The following FHIT variants were observed in gnomAD, a reference collection of about 807,000 sequenced individuals.
FHIT encodes the protein fragile histidine triad diadenosine triphosphatase, also known as bis(5'-adenosyl)-triphosphatase.
FHIT carries 19 observed loss-of-function variants against 17.9 expected under a neutral mutation model. The observed-to-expected ratio is 1.06, with a 90% CI of 0.74 to 1.56. The LOEUF (loss-of-function observed/expected upper bound fraction) is 1.56. Ranked by LOEUF, FHIT falls within the 40% of genes most tolerant of loss-of-function variation. The pLI is 0.00. For missense variants in FHIT, 248 were observed against 189.2 expected (o/e 1.31, Z -1.82); for synonymous variants, 81 against 69.7 (o/e 1.16, Z -0.81).
intron 3 of FHIT, among the ~76,000 whole-genome samples, chr3:60,950,767 C>T (rs1239026702): frequency 6.6e-6 from 1 of 152,062 alleles, no homozygotes; most frequent in African/African-American, 2.4e-5. Context: ...AAGTGATCCA[C>T]CCGCCTCGGC....
intron 1 of FHIT, among the ~76,000 whole-genome samples, chr3:61,201,168 T>G (rs1185278663): frequency 6.6e-6 from 1 of 152,238 alleles, no homozygotes; most frequent in Non-Finnish European, 1.5e-5. Flanking sequence ...TGTGCATGAT[T>G]ACAGGGACAA....
intron 5 of FHIT, among the ~76,000 whole-genome samples, chr3:60,468,550 C>T (rs2032920697): frequency 6.6e-6 from 1 of 151,974 alleles, no homozygotes; most frequent in Non-Finnish European, 1.5e-5. Flanking sequence ...ACACTGATTG[C>T]ATAAACAATT....
chr3:60,543,932 G>GTTTTTTTTTC (rs1553645902), intron 4 of FHIT, among the ~76,000 whole-genome samples: 1 of 52,376 alleles, frequency 1.9e-5, no homozygotes, highest in Non-Finnish European at 3.7e-5. Context: ...TTTTTTTTTT[G>GTTTTTTTTTC]TATTTTTAGT....
chr3:59,852,103 T>C (rs1344677545), intron 8 of FHIT, among the ~76,000 whole-genome samples: 1 of 152,188 alleles, frequency 6.6e-6, no homozygotes, highest in East Asian at 1.9e-4. Context: ...CAAGGTATGG[T>C]GGAGTTCTGT....
At position 60,359,277 on chromosome 3, in the gene FHIT, C is replaced by CTTT. The variant is rs71089599; in HGVS notation, c.103+177580_103+177582dup. Among the ~76,000 whole-genome samples the CTTT allele has an allele frequency of 5.7e-3, 627 of 109,908 alleles. 12 individuals are homozygous for CTTT. The highest frequency in any genetic ancestry group is 0.011 in the Middle Eastern group (2 of 188). The allele number at this position is 109,908 out of a possible 152,430, so 72.1% of individuals were successfully genotyped here. ...TATTATTACTTGAATATGAAAATAT[C>CTTT]TTTTTTTTTTTTTTTTTTTTTTGAG... On this transcript the variant is annotated intron_variant, in intron 5 of 9. Transcript: ENST00000492590.
At chr3:61,216,531 T>G (rs2039681095) in intron 1 of FHIT, among the ~76,000 whole-genome samples, 1 of 152,182 alleles carries the variant, frequency 6.6e-6, no homozygotes, top group African/African-American at 2.4e-5. Context: ...TAGGAACACT[T>G]TTACACTGTT....
chr3:59,958,773 C>G (rs925755112), intron 7 of FHIT, among the ~76,000 whole-genome samples: 14 of 152,208 alleles, frequency 9.2e-5, no homozygotes, highest in African/African-American at 3.4e-4. Flanking sequence ...TTCTATGACT[C>G]TCTCCTTTTT....
At chr3:60,274,153 T>C (rs1439361107) in intron 5 of FHIT, among the ~76,000 whole-genome samples, 4 of 152,150 alleles carry the variant, frequency 2.6e-5, no homozygotes, top group Non-Finnish European at 5.9e-5. Context: ...GTTCATCTTA[T>C]ACAGGGTTAC....
At chr3:60,349,404 A>C (rs1256087791) in intron 5 of FHIT, among the ~76,000 whole-genome samples, 2 of 152,176 alleles carry the variant, frequency 1.3e-5, no homozygotes, top group Non-Finnish European at 2.9e-5. Context: ...TTATGTCTTA[A>C]TGCTTACCAC....
At chr3:60,710,023 T>C (rs1483618477) in intron 4 of FHIT, among the ~76,000 whole-genome samples, 1 of 144,312 alleles carries the variant, frequency 6.9e-6, no homozygotes, top group Non-Finnish European at 1.5e-5. Flanking sequence ...GATATGTCAG[T>C]ACACAGCAGC....
chr3:60,560,091 GCA>G (rs1287314388), intron 4 of FHIT, among the ~76,000 whole-genome samples: 2 of 151,868 alleles, frequency 1.3e-5, no homozygotes, highest in South Asian at 2.1e-4. Context: ...GGGAAACTGT[GCA>G]CAGTTTCTAA....
intron 3 of FHIT, among the ~76,000 whole-genome samples, chr3:60,967,888 T>G (rs1265594046): frequency 3.3e-5 from 5 of 152,162 alleles, no homozygotes; most frequent in African/African-American, 1.2e-4. Flanking sequence ...TCAAATACCA[T>G]CTATTAAAAA....
intron 5 of FHIT, chr3:60,536,081 C>CCTGA (rs2035970315): frequency 6.6e-6 from 1 of 152,070 alleles, no homozygotes; most frequent in Non-Finnish European, 1.5e-5. Context: ...AGAAAAACAT[C>CCTGA]CTGAAGAGTC....
intron 5 of FHIT, among the ~76,000 whole-genome samples, chr3:60,209,557 T>C (rs1389541127): frequency 6.6e-6 from 1 of 152,094 alleles, no homozygotes; most frequent in Admixed American, 6.6e-5. Context: ...GAGCCAATAG[T>C]AAAAATCTCA....
chr3:60,899,104 AT>A (rs1473893757), intron 3 of FHIT, among the ~76,000 whole-genome samples: 17 of 152,186 alleles, frequency 1.1e-4, no homozygotes, highest in African/African-American at 3.6e-4. Context: ...GAACACCCTA[AT>A]TATCCAGTTT....
intron 5 of FHIT, among the ~76,000 whole-genome samples, chr3:60,480,522 A>C (rs1488890185): frequency 6.6e-6 from 1 of 152,210 alleles, no homozygotes; most frequent in Non-Finnish European, 1.5e-5. Flanking sequence ...CTGTAAACTC[A>C]AAAACAAGTT....
intron 8 of FHIT, among the ~76,000 whole-genome samples, chr3:59,883,405 G>C (rs774045128): frequency 4.6e-5 from 7 of 152,172 alleles, no homozygotes; most frequent in Non-Finnish European, 8.8e-5. Context: ...ATGGTAGAAG[G>C]TGAAAGGCAT....
intron 8 of FHIT, among the ~76,000 whole-genome samples, chr3:59,897,873 T>C (rs1704142917): frequency 6.6e-6 from 1 of 151,922 alleles, no homozygotes. Flanking sequence ...TTCACGCCAT[T>C]CTCCTGCCTC....
intron 2 of FHIT, among the ~76,000 whole-genome samples, chr3:61,096,254 C>T (rs1009929392): frequency 1.3e-5 from 2 of 152,168 alleles, no homozygotes; most frequent in Admixed American, 6.5e-5. Flanking sequence ...AATAATAATG[C>T]CTCTACCTTG....
Sources: gnomAD v4.1 joint callset for allele counts (sites outside exome capture counted in the v4.1 genomes callset) on GRCh38, gnomAD v4.1.1 for gene constraint, MANE v1.5 for transcripts, NCBI Gene and HGNC (gene_info 2026-07-23, HGNC 2026-07-21) for gene names.